FAT1: variants seen among roughly 807,000 people sequenced by gnomAD.
FAT1 encodes protocadherin Fat 1.
A neutral mutation model predicts 329.8 loss-of-function variants in FAT1; 171 were observed. That is an observed-to-expected ratio of 0.52 (90% CI 0.46 to 0.59). The LOEUF is 0.59. FAT1 is among the 20% of genes least tolerant of loss of function. The probability of loss-of-function intolerance (pLI) is 0.00; values close to 1 mark genes in which losing one functional copy is unlikely to be tolerated. For missense variants in FAT1, 5,672 were observed against 5,774.4 expected (o/e 0.98, Z 0.57); for synonymous variants, 2,233 against 2,228.6 (o/e 1.00, Z -0.06).
Position 186,595,673 on chromosome 4 carries a change from C to T in FAT1, c.13138+16G>A, listed in dbSNP as rs944616503. The T allele has an allele frequency of 1.2e-6, 2 of 1,613,246 alleles. No homozygotes were observed. Among genetic ancestry groups the T allele is most frequent in the African/African-American group, 1.3e-5 (1 of 74,918 alleles). ...AAGCAAGCAAAGCGCAGTGTTGCAG[C>T]ACACTGCTGCCTCACCATTGTCATC... is the stretch of plus-strand genomic sequence containing the variant. On this transcript the variant is annotated intron_variant, in intron 26 of 26. Transcript: ENST00000441802.
chr4:186,661,430 G>A (rs894383976), intron 3 of FAT1, among the ~76,000 whole-genome samples: 2 of 152,168 alleles, frequency 1.3e-5, no homozygotes, highest in Admixed American at 1.3e-4. Flanking sequence ...CTGTCCGTGC[G>A]TCAATCATGC....
chr4:186,636,252 G>C lies in FAT1; in HGVS notation c.3973-17C>G, dbSNP rs760745863. 3.1e-6 allele frequency: 5 copies of C among 1,611,150 alleles called. No homozygotes were observed. The highest frequency in any genetic ancestry group is 1.1e-5 in the South Asian group (1 of 91,012). On this transcript the variant is annotated splice_polypyrimidine_tract_variant and intron_variant, in intron 5 of 26. Transcript: ENST00000441802. ...TGCCTTAATCTACAACATTTGGGCA[G>C]AGGGGATTAAAAACAGCAAATCAGG...
At chr4:186,705,416 C>T (rs1744532315) in intron 2 of FAT1, among the ~76,000 whole-genome samples, 1 of 152,042 alleles carries the variant, frequency 6.6e-6, no homozygotes, top group South Asian at 2.1e-4. Context: ...TTTTAAAATG[C>T]ACAGATTTAT....
At chr4:186,670,448 T>C (rs1230169679) in intron 2 of FAT1, among the ~76,000 whole-genome samples, 1 of 152,146 alleles carries the variant, frequency 6.6e-6, no homozygotes, top group Non-Finnish European at 1.5e-5. Context: ...GTAACTCTTT[T>C]GAAAATAAGC....
rs1375195483 is a variant in FAT1, at chr4:186,589,082, G to C, written c.13277C>G (p.Pro4426Arg). 1 of 1,613,844 alleles carries C rather than the reference G, an allele frequency of 6.2e-7. No homozygotes were observed. The highest frequency in any genetic ancestry group is 8.5e-7 in the Non-Finnish European group (1 of 1,179,894). Residue 4426 changes from proline (P) to arginine (R), a missense_variant, in exon 27 of 27, where the codon CCT becomes CGT. Transcript: ENST00000441802. ...ATCACTTTCGATGTCGTAGCCTCCA[G>C]GGTAATAGTCCGTATCGATGGCGTT... ...DPNAIDTDYY[P>R]GGYDIESDFP...
intron 26 of FAT1, among the ~76,000 whole-genome samples, chr4:186,591,335 T>C (rs574670172): frequency 1.3e-5 from 2 of 152,368 alleles, no homozygotes; most frequent in South Asian, 2.1e-4. Context: ...ATTTGATTGA[T>C]AGTTCACTTC....
intron 2 of FAT1, among the ~76,000 whole-genome samples, chr4:186,705,748 G>A (rs1037618432): frequency 2.0e-5 from 3 of 152,158 alleles, no homozygotes; most frequent in Admixed American, 6.5e-5. Flanking sequence ...TGCAACACAC[G>A]CACTTTCTAG....
rs2126686647 is a variant in FAT1 at position 186,707,215 on chromosome 4, G to A, written c.2613C>T (p.Asp871=). 2 of 1,613,898 alleles carry A rather than the reference G, an allele frequency of 1.2e-6. No individual in the cohort carries two copies. The highest frequency in any genetic ancestry group is 1.7e-6 in the Non-Finnish European group (2 of 1,179,876). ...IVTDTDTFSI[D]SVTGVVNIAR... is the part of the protein sequence containing the mutation. ...CGATGTTAACAACACCCGTCACGCTGTCAATTGAAAATGTGTCTGTGTCTG... is the reference window on the plus strand; with the variant it reads ...CGATGTTAACAACACCCGTCACGCTATCAATTGAAAATGTGTCTGTGTCTG... The change falls in exon 2 of 27, where the codon GAC becomes GAT. Residue 871 remains aspartate, a synonymous_variant. Coordinates refer to ENST00000441802, the MANE Select transcript of FAT1 (RefSeq NM_005245.4).
Position 186,677,970 on chromosome 4 carries a change from CAGT to C in FAT1, c.3266-14360_3266-14358del, listed in dbSNP as rs563218470. Among the ~76,000 whole-genome samples the C allele has an allele frequency of 2.0e-3, 297 of 152,200 alleles. 3 individuals carry two copies. The highest frequency in any genetic ancestry group is 6.9e-3 in the African/African-American group (287 of 41,528). ...AAAAATGAAAAATAGAGAATAACTG[CAGT>C]AGTTCTTATATTATCTCTGTCCTTA... On this transcript the variant is annotated intron_variant, in intron 2 of 26. Transcript: ENST00000441802.
chr4:186,699,709 A>G (rs1025409318), intron 2 of FAT1, among the ~76,000 whole-genome samples: 1 of 147,992 alleles, frequency 6.8e-6, no homozygotes, highest in South Asian at 2.1e-4. Context: ...AAAAAAAAAA[A>G]TGCCAGAAAG....
At chr4:186,724,403 A>C (rs1017444127), upstream of FAT1, among the ~76,000 whole-genome samples, 2 of 151,942 alleles carry the variant, frequency 1.3e-5, no homozygotes, top group Non-Finnish European at 2.9e-5. This position sits in a 1 kb window ranked among gnomAD's most constrained non-coding sequence, Gnocchi z 5.3. Flanking sequence ...AGAAAATGGA[A>C]ACGCTTCCCC....
At position 186,707,767 on chromosome 4, in the gene FAT1, G is replaced by A. The variant is rs758003210; in HGVS notation, c.2061C>T (p.Leu687=). The part of the protein sequence containing the change: ...TGVAKMLAEK[L]LQANKLHNQG... ...GGTTGTGTAATTTATTTGCCTGCAG[G>A]AGCTTCTCTGCCAGCATTTTGGCAA... Residue 687 remains leucine, a synonymous_variant, in exon 2 of 27, where the codon CTC becomes CTT. Coordinates refer to ENST00000441802, the MANE Select transcript of FAT1 (RefSeq NM_005245.4). The A allele has an allele frequency of 9.3e-6, 15 of 1,613,654 alleles. No individual in the cohort carries two copies. The South Asian group carries it at 1.6e-4, about 18-fold the overall frequency.
intron 14 of FAT1, among the ~76,000 whole-genome samples, chr4:186,611,065 T>C (rs896787644): frequency 2.0e-5 from 3 of 152,180 alleles, no homozygotes; most frequent in African/African-American, 7.2e-5. Context: ...ACCTCTACTA[T>C]CCCCTATTCT....
intron 1 of FAT1, among the ~76,000 whole-genome samples, chr4:186,719,646 T>C (rs1745375569): frequency 6.6e-6 from 1 of 152,224 alleles, no homozygotes; most frequent in Non-Finnish European, 1.5e-5. Flanking sequence ...TAATCAACTG[T>C]GTGAATTCAA....
chr4:186,624,890 C>T (rs1010784807), intron 9 of FAT1, among the ~76,000 whole-genome samples: 2 of 152,228 alleles, frequency 1.3e-5, no homozygotes, highest in Admixed American at 1.3e-4. Context: ...CAAAATTCTA[C>T]TGCATTTTAA....
chr4:186,601,443 G>A lies in FAT1; in HGVS notation c.11483-17C>T. On this transcript the variant is annotated splice_polypyrimidine_tract_variant and intron_variant, in intron 20 of 26. Coordinates refer to ENST00000441802, the MANE Select transcript of FAT1 (RefSeq NM_005245.4). ...ATGAACTCCCTGTGAATCACACAGA[G>A]GAAAAAATAAACCAGAACCAAGTTT... is the stretch of plus-strand genomic sequence containing the variant. 1.3e-6 allele frequency: 2 copies of A among 1,592,646 alleles called. No individual in the cohort carries two copies. The highest frequency in any genetic ancestry group is 1.7e-6 in the Non-Finnish European group (2 of 1,162,974).
intron 2 of FAT1, among the ~76,000 whole-genome samples, chr4:186,676,225 A>G (rs1387031699): frequency 6.6e-6 from 1 of 152,030 alleles, no homozygotes; most frequent in African/African-American, 2.4e-5. Context: ...TGAATTTTAT[A>G]ATGCAACATG....
intron 16 of FAT1, among the ~76,000 whole-genome samples, chr4:186,607,072 C>T (rs530923934): frequency 6.6e-6 from 1 of 152,332 alleles, no homozygotes; most frequent in South Asian, 2.1e-4. Context: ...GCATGCTTCC[C>T]AAATCCTTAG....
rs376030976 is a variant in FAT1 at position 186,643,435 on chromosome 4, C to T, written c.3581-3652G>A. Among the ~76,000 whole-genome samples the T allele has an allele frequency of 4.5e-4, 69 of 152,266 alleles. 1 individual carries two copies. The East Asian group carries it at 0.012, about 26-fold the overall frequency. On this transcript the variant is annotated intron_variant, in intron 3 of 26. Transcript: ENST00000441802. ...GCAAAAAGAATCTTAGCAAGGCTGC[C>T]GTAGTGCTTTTCCCTAATGCCATCT...
Sources: gnomAD v4.1 joint callset for allele counts (sites outside exome capture counted in the v4.1 genomes callset) on GRCh38, gnomAD v4.1.1 for gene constraint, Gnocchi (gnomAD v3.1) non-coding constraint, MANE v1.5 for transcripts, NCBI Gene and HGNC (gene_info 2026-07-23, HGNC 2026-07-21) for gene names.